Variants in TOX2 observed in about 807,000 individuals in gnomAD.
TOX2 encodes granulosa cell HMG box 1.
In TOX2, 15 loss-of-function variants were observed where a neutral mutation model predicts 47.4. The ratio of observed to expected loss-of-function variants is 0.32; its 90% CI spans 0.21 to 0.49. The LOEUF is 0.49. Among genes scored for constraint, TOX2 ranks in the 20% least tolerant of loss-of-function variants. The probability of loss-of-function intolerance (pLI) is 0.99; values close to 1 mark genes in which losing one functional copy is unlikely to be tolerated. For missense variants in TOX2, 622 were observed against 673.1 expected (o/e 0.92, Z 0.84); for synonymous variants, 290 against 296.6 (o/e 0.98, Z 0.23).
chr20:43,984,053 A>G (rs1045780743), intron 2 of TOX2, among the ~76,000 whole-genome samples: 1 of 152,202 alleles, frequency 6.6e-6, no homozygotes, highest in Non-Finnish European at 1.5e-5. Context: ...ACCTGGGTGA[A>G]GAGCTCGCGA....
chr20:44,006,460 AT>A, intron 2 of TOX2, 86 bp from the exon 3 acceptor site: 1 of 1,522,928 alleles, frequency 6.6e-7, no homozygotes. Flanking sequence ...TGCTATCGTT[AT>A]TATTGTTGCT....
chr20:43,974,472 C>T (rs2070037084), intron 2 of TOX2, among the ~76,000 whole-genome samples: 1 of 152,310 alleles, frequency 6.6e-6, no homozygotes, highest in East Asian at 1.9e-4. Context: ...TGGGTGGGAC[C>T]AGCTCGGGAC....
In TOX2 at chr20:43,956,118, C is replaced by G. The variant is rs2069664779; in HGVS notation, c.100-17249C>G. Among the ~76,000 whole-genome samples, 4 of 152,242 alleles carry G rather than the reference C, an allele frequency of 2.6e-5. No homozygotes were observed. In the South Asian group the frequency reaches 8.3e-4, roughly 31 times the overall value. The stretch of plus-strand genomic sequence containing the variant: ...AGTTGTGTGCATGCTGCGGGTAGAT[C>G]TGCTTAGAAGCCACCTCTTCCGTGA... On this transcript the variant is annotated intron_variant, in intron 1 of 8. Transcript: ENST00000341197.
rs566853263 is a variant in TOX2, at chr20:43,976,351, C to T, written c.165+2919C>T. 3.3e-5 allele frequency among the ~76,000 whole-genome samples: 5 copies of T among 152,340 alleles called. No individual in the cohort carries two copies. The South Asian group carries it at 6.2e-4, about 19-fold the overall frequency. ...CTCACCTGTGTTCCACATGGTCTCTCAGCTTCCAGCAGGCTAGCTCCAGGT... is the reference window on the plus strand; with the variant it reads ...CTCACCTGTGTTCCACATGGTCTCTTAGCTTCCAGCAGGCTAGCTCCAGGT... On this transcript the variant is annotated intron_variant, in intron 2 of 8. Coordinates refer to ENST00000341197, the MANE Select transcript of TOX2 (RefSeq NM_001098797.2).
chr20:44,066,214 C>A, intron 7 of TOX2, 107 bp downstream of exon 7: 1 of 1,251,922 alleles, frequency 8.0e-7, no homozygotes, highest in Non-Finnish European at 1.1e-6. Flanking sequence ...ATAACCTCAG[C>A]CTTGGCACCT....
intron 3 of TOX2, among the ~76,000 whole-genome samples, chr20:44,038,381 G>A (rs546964859): frequency 1.3e-5 from 2 of 152,284 alleles, no homozygotes; most frequent in South Asian, 4.1e-4. Flanking sequence ...GGGCAACAGA[G>A]TCCAGGAATT....
At chr20:43,967,567 A>T (rs942507825) in intron 1 of TOX2, among the ~76,000 whole-genome samples, 2 of 151,906 alleles carry the variant, frequency 1.3e-5, no homozygotes, top group Non-Finnish European at 2.9e-5. Context: ...TACTCTTCCC[A>T]TACACTTGTC....
intron 5 of TOX2, among the ~76,000 whole-genome samples, chr20:44,057,064 T>G (rs1178581902): frequency 6.6e-6 from 1 of 152,140 alleles, no homozygotes; most frequent in African/African-American, 2.4e-5. Flanking sequence ...GTGCCATGCA[T>G]CACCATGCCC....
At chr20:43,958,846 A>G (rs2069711246) in intron 1 of TOX2, among the ~76,000 whole-genome samples, 1 of 152,214 alleles carries the variant, frequency 6.6e-6, no homozygotes, top group Non-Finnish European at 1.5e-5. Context: ...CCCCAGTGGG[A>G]TTTGCAGAAG....
At chr20:44,048,281 C>G (rs2071445253) in intron 3 of TOX2, among the ~76,000 whole-genome samples, 1 of 150,882 alleles carries the variant, frequency 6.6e-6, no homozygotes. Context: ...AACGTGTATT[C>G]ACAATATTAC....
At chr20:44,057,213 A>G (rs1289411110) in intron 5 of TOX2, among the ~76,000 whole-genome samples, 3 of 152,160 alleles carry the variant, frequency 2.0e-5, no homozygotes, top group Non-Finnish European at 4.4e-5. Context: ...GAGCCACTAT[A>G]TCCAGCCATA....
chr20:44,065,704 C>G lies in TOX2; in HGVS notation c.961-8C>G. The stretch of plus-strand genomic sequence containing the variant: ...GTTCTCCAGTGACTGATATCTGTCT[C>G]CTTCCAGAGCTCCCCAGATCAAGGT... On this transcript the variant is annotated splice_polypyrimidine_tract_variant and splice_region_variant and intron_variant, in intron 6 of 8. Coordinates refer to ENST00000341197, the MANE Select transcript of TOX2 (RefSeq NM_001098797.2). 1 of 1,567,282 alleles carries G rather than the reference C, an allele frequency of 6.4e-7. No individual in the cohort carries two copies.
At chr20:43,976,359 A>G (rs999865835) in intron 2 of TOX2, among the ~76,000 whole-genome samples, 5 of 152,250 alleles carry the variant, frequency 3.3e-5, no homozygotes, top group African/African-American at 1.2e-4. Context: ...CTCAGCTTCC[A>G]GCAGGCTAGC....
intron 1 of TOX2, among the ~76,000 whole-genome samples, chr20:43,938,162 A>T (rs183070593): frequency 2.0e-5 from 3 of 152,304 alleles, no homozygotes; most frequent in East Asian, 3.9e-4. Context: ...ACCAGGACCC[A>T]TGTCAGTGGA....
At chr20:43,949,193 T>C (rs905473790) in intron 1 of TOX2, among the ~76,000 whole-genome samples, 10 of 152,352 alleles carry the variant, frequency 6.6e-5, no homozygotes, top group Admixed American at 3.9e-4. Context: ...AGGCCACAAA[T>C]GTGGGATCAT....
At chr20:44,068,527 T>A in intron 8 of TOX2, 123 bp from the exon 9 acceptor site, 139 of 973,860 alleles carry the variant, frequency 1.4e-4, no homozygotes, top group East Asian at 3.5e-4. Context: ...AAGTCCCTCA[T>A]TCAGCCACAG....
chr20:43,953,597 G>A (rs762295100), intron 1 of TOX2, among the ~76,000 whole-genome samples: 25 of 152,198 alleles, frequency 1.6e-4, no homozygotes, highest in Non-Finnish European at 2.4e-4. Flanking sequence ...TCAGTGTAAA[G>A]GACTTGTCTC....
chr20:44,017,812 A>G (rs2070906532), intron 3 of TOX2, among the ~76,000 whole-genome samples: 1 of 152,190 alleles, frequency 6.6e-6, no homozygotes, highest in Admixed American at 6.5e-5. Context: ...TTGGCTACAC[A>G]GTTATCAAAA....
chr20:44,021,812 T>C (rs1457160822), intron 3 of TOX2, among the ~76,000 whole-genome samples: 2 of 151,718 alleles, frequency 1.3e-5, no homozygotes, highest in Non-Finnish European at 1.5e-5. Context: ...ATTTTTTTTT[T>C]TTTTTAAGAG....
Sources: gnomAD v4.1 joint callset for allele counts (sites outside exome capture counted in the v4.1 genomes callset) on GRCh38, gnomAD v4.1.1 for gene constraint, MANE v1.5 for transcripts, NCBI Gene and HGNC (gene_info 2026-07-23, HGNC 2026-07-21) for gene names.